Variants in MGMT observed in about 807,000 individuals in gnomAD.
MGMT encodes the protein methylated-DNA--protein-cysteine methyltransferase.
MGMT carries 14 observed loss-of-function variants against 15.9 expected under a neutral mutation model. The ratio of observed to expected loss-of-function variants is 0.88; its 90% CI spans 0.58 to 1.37. MGMT has a LOEUF of 1.37. MGMT is among the 40% of genes most tolerant of loss of function. The probability of loss-of-function intolerance (pLI) is 0.00; values close to 1 mark genes in which losing one functional copy is unlikely to be tolerated. For synonymous variants in MGMT, 130 were observed against 118.2 expected (o/e 1.10, Z -0.65); for missense variants, 282 against 268.1 (o/e 1.05, Z -0.36).
chr10:129,766,628 C>T (rs1848938428), intron 4 of MGMT, among the ~76,000 whole-genome samples, 160 bp from the exon 5 acceptor site: 1 of 152,222 alleles, frequency 6.6e-6, no homozygotes, highest in South Asian at 2.1e-4. Flanking sequence ...GAAGTCCATG[C>T]TGAGACATAG....
At chr10:129,667,827 A>G (rs1378985205) in intron 2 of MGMT, among the ~76,000 whole-genome samples, 1 of 152,058 alleles carries the variant, frequency 6.6e-6, no homozygotes, top group Non-Finnish European at 1.5e-5. Flanking sequence ...TGTGGTTTTA[A>G]TTTTCATTTC....
intron 2 of MGMT, among the ~76,000 whole-genome samples, chr10:129,565,113 C>T (rs1846338800): frequency 6.6e-6 from 1 of 152,230 alleles, no homozygotes; most frequent in Non-Finnish European, 1.5e-5. Context: ...GTGTAGCCTG[C>T]CCGGCGGGGC....
intron 2 of MGMT, among the ~76,000 whole-genome samples, chr10:129,656,984 T>C (rs985727669): frequency 1.3e-5 from 2 of 152,102 alleles, no homozygotes; most frequent in Non-Finnish European, 1.5e-5. Context: ...GCGAAAATAG[T>C]GCACTTCATT....
intron 3 of MGMT, 44 bp downstream of exon 3, chr10:129,708,087 A>C (rs906271916): frequency 1.9e-6 from 3 of 1,570,666 alleles, no homozygotes; most frequent in Non-Finnish European, 2.6e-6. Flanking sequence ...GGGGAGCTTG[A>C]CTTATTAACG....
chr10:129,729,012 C>A (rs780151882), intron 3 of MGMT, among the ~76,000 whole-genome samples: 1 of 152,288 alleles, frequency 6.6e-6, no homozygotes, highest in Admixed American at 6.5e-5. Context: ...CAGGCTCTTT[C>A]TCTAGTGACC....
intron 3 of MGMT, among the ~76,000 whole-genome samples, chr10:129,722,302 A>C (rs1039967410): frequency 3.9e-4 from 60 of 152,322 alleles, no homozygotes; most frequent in African/African-American, 1.4e-3. Context: ...TAACATTAGC[A>C]TTATTAAAGA....
At chr10:129,748,734 A>G (rs1273668024) in intron 3 of MGMT, among the ~76,000 whole-genome samples, 1 of 152,176 alleles carries the variant, frequency 6.6e-6, no homozygotes, top group African/African-American at 2.4e-5. Context: ...GCTAAACATT[A>G]GTTCCTATTG....
chr10:129,632,996 T>C (rs1847228089), intron 2 of MGMT, among the ~76,000 whole-genome samples: 1 of 152,234 alleles, frequency 6.6e-6, no homozygotes, highest in Non-Finnish European at 1.5e-5. Context: ...ATGCTGTTTT[T>C]CATCATTGTA....
At chr10:129,704,398 G>T (rs1384361192) in intron 2 of MGMT, among the ~76,000 whole-genome samples, 3 of 152,090 alleles carry the variant, frequency 2.0e-5, no homozygotes, top group African/African-American at 7.2e-5. Flanking sequence ...TCCAGGCAGT[G>T]GCTTGGGCTG....
intron 3 of MGMT, among the ~76,000 whole-genome samples, chr10:129,720,913 T>C (rs1848362383): frequency 6.6e-6 from 1 of 150,636 alleles, no homozygotes; most frequent in Non-Finnish European, 1.5e-5. Flanking sequence ...TCCTCTTCCC[T>C]CTTCTGTTGT....
At chr10:129,755,646 G>A (rs1217750605) in intron 3 of MGMT, among the ~76,000 whole-genome samples, 2 of 152,244 alleles carry the variant, frequency 1.3e-5, no homozygotes, top group African/African-American at 4.8e-5. Flanking sequence ...GAACTTGGAA[G>A]CACAATGGCC....
chr10:129,604,414 C>A (rs115951730), intron 2 of MGMT, among the ~76,000 whole-genome samples: 10 of 152,052 alleles, frequency 6.6e-5, no homozygotes, highest in Admixed American at 4.6e-4. Context: ...GATTTGGTGG[C>A]GGTGAATTTG....
Position 129,767,060 on chromosome 10 carries a change from C to A in MGMT, c.*63C>A. On this transcript the variant is annotated 3_prime_UTR_variant, in exon 5 of 5. Coordinates refer to ENST00000651593, the MANE Select transcript of MGMT (RefSeq NM_002412.5). ...GTGTAACACTGCATCGGATGCGGGGCGTGGAGGCACCGCTGTATTAAAGGA... is the reference window on the plus strand; with the variant it reads ...GTGTAACACTGCATCGGATGCGGGGAGTGGAGGCACCGCTGTATTAAAGGA... 1.5e-6 allele frequency: 2 copies of A among 1,345,434 alleles called. No homozygotes were observed. The highest frequency in any genetic ancestry group is 1.4e-5 in the South Asian group (1 of 69,208). 83.3% of individuals were successfully genotyped at this position (1,345,434 alleles called of 1,614,324 possible).
At chr10:129,675,339 C>G (rs1166576544) in intron 2 of MGMT, among the ~76,000 whole-genome samples, 1 of 152,160 alleles carries the variant, frequency 6.6e-6, no homozygotes, top group African/African-American at 2.4e-5. Context: ...AGGCCAGTTA[C>G]TGGACCATCA....
chr10:129,632,091 G>A (rs746015255), intron 2 of MGMT, among the ~76,000 whole-genome samples: 4 of 152,174 alleles, frequency 2.6e-5, no homozygotes, highest in Non-Finnish European at 4.4e-5. Flanking sequence ...TTTGGATTGC[G>A]TCACACTGCA....
intron 2 of MGMT, among the ~76,000 whole-genome samples, chr10:129,614,613 G>A (rs1847001403): frequency 6.6e-6 from 1 of 152,178 alleles, no homozygotes. Context: ...AATATCTGCT[G>A]CTCTGAAGGA....
intron 2 of MGMT, among the ~76,000 whole-genome samples, chr10:129,705,036 G>A (rs1214812221): frequency 6.6e-6 from 1 of 152,182 alleles, no homozygotes; most frequent in Non-Finnish European, 1.5e-5. Context: ...CGCTCCACAC[G>A]AAAATAACAA....
At chr10:129,481,743 C>A (rs1845360156) in intron 1 of MGMT, among the ~76,000 whole-genome samples, 1 of 152,012 alleles carries the variant, frequency 6.6e-6, no homozygotes, top group Admixed American at 6.6e-5. Flanking sequence ...TTTTATATTC[C>A]TTTATTATCC....
intron 2 of MGMT, among the ~76,000 whole-genome samples, chr10:129,593,286 G>T (rs1846711146): frequency 6.6e-6 from 1 of 152,226 alleles, no homozygotes; most frequent in African/African-American, 2.4e-5. Context: ...AATGGAGCTG[G>T]TATTTGAGAA....
Sources: allele counts gnomAD v4.1 joint callset (sites outside exome capture counted in the v4.1 genomes callset), GRCh38; gene constraint gnomAD v4.1.1; transcripts MANE v1.5; gene names NCBI Gene and HGNC (gene_info 2026-07-23, HGNC 2026-07-21).